Variants in SHROOM4 observed in about 807,000 individuals in gnomAD.
SHROOM4 encodes protein Shroom4.
In SHROOM4, 17 loss-of-function variants were observed where a neutral mutation model predicts 80.3. The ratio of observed to expected loss-of-function variants is 0.21; its 90% confidence interval spans 0.14 to 0.32. The LOEUF (loss-of-function observed/expected upper bound fraction) is 0.32. SHROOM4 is among the 10% of genes least tolerant of loss of function. The pLI is 1.00. For missense variants in SHROOM4, 993 were observed against 1,140.3 expected (o/e 0.87, Z 1.86); for synonymous variants, 400 against 437.5 (o/e 0.91, Z 1.07).
intron 2 of SHROOM4, among the ~76,000 whole-genome samples, chrX:50,651,741 A>T (rs1333126456): frequency 3.1e-4 from 33 of 107,429 alleles, no homozygotes; most frequent in Non-Finnish European, 5.8e-4. Flanking sequence ...TAGCCCCTTA[A>T]CCCCCGACAT....
intron 5 of SHROOM4, among the ~76,000 whole-genome samples, chrX:50,627,231 C>T (rs894882799): frequency 9.0e-6 from 1 of 111,670 alleles, no homozygotes; most frequent in Admixed American, 9.5e-5. Flanking sequence ...TCATTTCACC[C>T]ATTAATGGTG....
intron 2 of SHROOM4, among the ~76,000 whole-genome samples, chrX:50,648,068 G>A (rs1217732098): frequency 8.9e-6 from 1 of 112,061 alleles, no homozygotes; most frequent in Non-Finnish European, 1.9e-5. Context: ...TTTTATAAAG[G>A]TTTGACTTGG....
At chrX:50,788,571 G>A (rs1935793732) in intron 1 of SHROOM4, among the ~76,000 whole-genome samples, 1 of 103,066 alleles carries the variant, frequency 9.7e-6, no homozygotes, top group African/African-American at 3.6e-5. Context: ...TCGAGCCACT[G>A]CACTCCAGCT....
intron 2 of SHROOM4, among the ~76,000 whole-genome samples, chrX:50,675,239 G>C (rs1316297720): frequency 1.8e-5 from 2 of 111,361 alleles, no homozygotes; most frequent in African/African-American, 6.5e-5. Flanking sequence ...TTAATATCTA[G>C]GTGATGAAAT....
At chrX:50,637,888 G>A (rs1270745363) in intron 3 of SHROOM4, among the ~76,000 whole-genome samples, 1 of 111,868 alleles carries the variant, frequency 8.9e-6, no homozygotes, top group Non-Finnish European at 1.9e-5. Flanking sequence ...AAAGAGATAC[G>A]GAGAAAGAAC....
intron 5 of SHROOM4, among the ~76,000 whole-genome samples, chrX:50,618,330 T>TATTTTTGAGA (rs1930372539): frequency 2.0e-4 from 1 of 4,909 alleles, no homozygotes; most frequent in Non-Finnish European, 3.8e-4. Context: ...CTTCCTTCCT[T>TATTTTTGAGA]CCTTCCTTCC....
chrX:50,760,507 TTCTA>T (rs1935133816), intron 1 of SHROOM4, among the ~76,000 whole-genome samples: 1 of 109,424 alleles, frequency 9.1e-6, no homozygotes, highest in African/African-American at 3.3e-5. Context: ...CTAGCTAATT[TTCTA>T]TCTTTCTTTA....
chrX:50,621,360 T>G (rs1465792102), intron 5 of SHROOM4, among the ~76,000 whole-genome samples: 1 of 111,723 alleles, frequency 9.0e-6, no homozygotes, highest in African/African-American at 3.3e-5. Context: ...CTTTAAAATC[T>G]GATAGGGTAA....
At chrX:50,706,741 A>G (rs1294238898) in intron 1 of SHROOM4, among the ~76,000 whole-genome samples, 1 of 111,961 alleles carries the variant, frequency 8.9e-6, no homozygotes, top group Non-Finnish European at 1.9e-5. Flanking sequence ...AAGCATTATT[A>G]TTGGCTCAGA....
intron 2 of SHROOM4, among the ~76,000 whole-genome samples, chrX:50,681,960 T>C (rs1471745801): frequency 8.9e-6 from 1 of 111,869 alleles, no homozygotes; most frequent in Non-Finnish European, 1.9e-5. Context: ...TCCATCCCAA[T>C]GGCTTCAATT....
intron 2 of SHROOM4, among the ~76,000 whole-genome samples, chrX:50,661,199 T>C (rs1447788901): frequency 9.0e-6 from 1 of 111,341 alleles, no homozygotes; most frequent in Non-Finnish European, 1.9e-5. Context: ...TCCAGGTTTT[T>C]TTGTTTGGTT....
intron 1 of SHROOM4, among the ~76,000 whole-genome samples, chrX:50,731,761 G>A (rs1934376984): frequency 8.9e-6 from 1 of 111,971 alleles, no homozygotes; most frequent in Non-Finnish European, 1.9e-5. Context: ...CCTAAGGGGA[G>A]AAGCAGCCTA....
intron 1 of SHROOM4, among the ~76,000 whole-genome samples, chrX:50,773,943 T>C (rs1269171535): frequency 1.8e-5 from 2 of 110,863 alleles, no homozygotes; most frequent in East Asian, 5.7e-4. Context: ...CAAAGAAGAG[T>C]GATGAACAGA....
chrX:50,707,718 T>C (rs1449404378), intron 1 of SHROOM4, among the ~76,000 whole-genome samples: 1 of 110,113 alleles, frequency 9.1e-6, no homozygotes, highest in East Asian at 2.9e-4. Context: ...GGTTTTTTTT[T>C]TCTCCGTCTC....
chrX:50,788,127 AAT>A (rs1250739200), intron 1 of SHROOM4, among the ~76,000 whole-genome samples: 1 of 112,059 alleles, frequency 8.9e-6, no homozygotes, highest in Non-Finnish European at 1.9e-5. Context: ...GTAAATATAA[AAT>A]ATGTTAATGT....
At chrX:50,615,361 T>C (rs1429909933) in intron 5 of SHROOM4, among the ~76,000 whole-genome samples, 1 of 111,239 alleles carries the variant, frequency 9.0e-6, no homozygotes, top group Non-Finnish European at 1.9e-5. Flanking sequence ...TCCGCCTCTT[T>C]ATCTGACTTA....
intron 2 of SHROOM4, among the ~76,000 whole-genome samples, chrX:50,682,890 A>G (rs112007409): frequency 0.039 from 4,364 of 111,666 alleles, 224 homozygotes; most frequent in African/African-American, 0.14. Flanking sequence ...CATTTGAGTC[A>G]GTGGGCTGGG....
intron 1 of SHROOM4, among the ~76,000 whole-genome samples, chrX:50,802,210 T>A (rs781806024): frequency 8.9e-6 from 1 of 112,307 alleles, no homozygotes; most frequent in Non-Finnish European, 1.9e-5. Flanking sequence ...TGTTCTACTA[T>A]CTTTGGGGCA....
intron 1 of SHROOM4, among the ~76,000 whole-genome samples, chrX:50,777,047 C>T (rs1165244600): frequency 3.6e-5 from 4 of 111,388 alleles, no homozygotes; most frequent in African/African-American, 1.3e-4. Context: ...CCTTCATAAT[C>T]CCACAGCTCT....
Sources: allele counts gnomAD v4.1 joint callset (sites outside exome capture counted in the v4.1 genomes callset), GRCh38; gene constraint gnomAD v4.1.1; transcripts MANE v1.5; gene names NCBI Gene and HGNC (gene_info 2026-07-23, HGNC 2026-07-21).